Variants in DPYS observed in about 807,000 individuals in gnomAD.
DPYS encodes the protein dihydropyrimidinase, also known as dihydropyrimidine amidohydrolase.
Under a neutral mutation model 50.3 loss-of-function variants are expected in DPYS, and 39 were observed. That is an observed-to-expected ratio of 0.78 (90% CI 0.60 to 1.01). DPYS has a LOEUF of 1.01. Among genes scored for constraint, DPYS ranks in the 50% least tolerant of loss-of-function variants. DPYS has a pLI of 0.00. For synonymous variants in DPYS, 245 were observed against 250.7 expected (o/e 0.98, Z 0.22); for missense variants, 659 against 680.9 (o/e 0.97, Z 0.36).
intron 7 of DPYS, among the ~76,000 whole-genome samples, chr8:104,422,613 T>C (rs1211746654): frequency 6.6e-6 from 1 of 152,228 alleles, no homozygotes; most frequent in Non-Finnish European, 1.5e-5. Flanking sequence ...TACTGATGAT[T>C]AACATTAGTA....
chr8:104,438,870 A>G (rs1271212489), intron 4 of DPYS, among the ~76,000 whole-genome samples: 1 of 152,028 alleles, frequency 6.6e-6, no homozygotes, highest in East Asian at 1.9e-4. Context: ...TTAGCCTGAG[A>G]CCAGCCTGGG....
At chr8:104,411,505 T>C (rs1812174315) in intron 7 of DPYS, among the ~76,000 whole-genome samples, 2 of 152,122 alleles carry the variant, frequency 1.3e-5, no homozygotes, top group South Asian at 2.1e-4. Flanking sequence ...CACAGGATGA[T>C]AGTGGAGGGC....
chr8:104,419,761 G>C (rs901495771), intron 7 of DPYS: 12 of 152,314 alleles, frequency 7.9e-5, no homozygotes, highest in African/African-American at 2.9e-4. Context: ...AACAGAGTCA[G>C]AGAAATTGTC....
intron 5 of DPYS, 58 bp downstream of exon 5, chr8:104,429,487 C>G: frequency 6.2e-7 from 1 of 1,611,090 alleles, no homozygotes; most frequent in Non-Finnish European, 8.5e-7. Flanking sequence ...GGACGAGCTC[C>G]CTTCTACCCA....
intron 3 of DPYS, among the ~76,000 whole-genome samples, chr8:104,446,275 A>T (rs568252752): frequency 1.6e-4 from 24 of 152,316 alleles, no homozygotes; most frequent in Middle Eastern, 3.4e-3. Context: ...TTAAAAAGAA[A>T]AGGTGAAAAA....
At chr8:104,402,329 T>G (rs926799806) in intron 7 of DPYS, among the ~76,000 whole-genome samples, 6 of 152,226 alleles carry the variant, frequency 3.9e-5, no homozygotes, top group African/African-American at 1.4e-4. Flanking sequence ...TTTTAGAAAG[T>G]GGGAAACTAA....
intron 4 of DPYS, among the ~76,000 whole-genome samples, chr8:104,433,457 A>G (rs1043227637): frequency 1.8e-4 from 28 of 152,034 alleles, no homozygotes; most frequent in Non-Finnish European, 3.2e-4. Flanking sequence ...ACATGGTGAA[A>G]CCCCATCTCT....
chr8:104,383,330 C>A lies in DPYS; in HGVS notation c.1444-2016G>T, dbSNP rs183430475. On this transcript the variant is annotated intron_variant, in intron 8 of 9. Transcript: ENST00000351513. Reference sequence around the variant, plus strand: ...GTCTAGGAAGCTTTGGCCCTCTGTCCCCTATCCACTATCTTGCTTACCCCA... The same window carrying A: ...GTCTAGGAAGCTTTGGCCCTCTGTCACCTATCCACTATCTTGCTTACCCCA... Among the ~76,000 whole-genome samples, 11 of 152,238 alleles carry A rather than the reference C, an allele frequency of 7.2e-5. No homozygotes were observed. In the East Asian group the frequency reaches 1.9e-3, roughly 27 times the overall value.
At chr8:104,398,970 G>A (rs1458688400) in intron 7 of DPYS, among the ~76,000 whole-genome samples, 1 of 152,160 alleles carries the variant, frequency 6.6e-6, no homozygotes, top group African/African-American at 2.4e-5. Context: ...GCCATGCTTT[G>A]AAGGCTGGGA....
intron 7 of DPYS, among the ~76,000 whole-genome samples, chr8:104,402,781 G>A (rs1009680877): frequency 2.0e-5 from 3 of 152,188 alleles, no homozygotes. Flanking sequence ...GACAGGACTA[G>A]CTGGATTTCC....
In DPYS at chr8:104,444,259, G is replaced by T; in HGVS notation, c.782C>A (p.Ala261Glu). The change falls in exon 4 of 10, where the codon GCA (alanine) becomes GAA (glutamate). Residue 261 changes from alanine (A) to glutamate (E), a missense_variant. Transcript: ENST00000351513. ...SKSAAKVIAD[A>E]RRDGKVVYGE... The stretch of plus-strand genomic sequence containing the variant: ...CATTCGAGAATTACCATCTCTCCTT[G>T]CATCCGCTATCACCTTAGCTGCAGA... 1 of 1,614,162 alleles carries T rather than the reference G, an allele frequency of 6.2e-7. No individual in the cohort carries two copies. Among genetic ancestry groups the T allele is most frequent in the South Asian group, 1.1e-5 (1 of 91,086 alleles).
At chr8:104,448,801 T>C (rs756410903) in intron 2 of DPYS, among the ~76,000 whole-genome samples, 5 of 152,212 alleles carry the variant, frequency 3.3e-5, no homozygotes, top group African/African-American at 4.8e-5. Flanking sequence ...CAGCAAAGTT[T>C]AAGAATGATA....
intron 8 of DPYS, among the ~76,000 whole-genome samples, chr8:104,388,041 G>C (rs1588396972): frequency 6.6e-6 from 1 of 152,132 alleles, no homozygotes; most frequent in Non-Finnish European, 1.5e-5. Flanking sequence ...GTATTACCTT[G>C]TATTGGTAGT....
chr8:104,463,421 G>A (rs575198402), intron 1 of DPYS, among the ~76,000 whole-genome samples: 8 of 152,128 alleles, frequency 5.3e-5, no homozygotes, highest in African/African-American at 1.4e-4. Context: ...CAACTTATAT[G>A]GCTCTGTCAT....
At chr8:104,382,119 C>G (rs1811072526) in intron 8 of DPYS, among the ~76,000 whole-genome samples, 1 of 152,146 alleles carries the variant, frequency 6.6e-6, no homozygotes, top group Non-Finnish European at 1.5e-5. Flanking sequence ...ATTTCCAGAG[C>G]CAAAGCATTT....
chr8:104,435,987 A>T (rs1813128658), intron 4 of DPYS, among the ~76,000 whole-genome samples: 1 of 152,114 alleles, frequency 6.6e-6, no homozygotes, highest in South Asian at 2.1e-4. Flanking sequence ...TGGGGCAGAA[A>T]GGGCAGTGAA....
At chr8:104,433,049 G>C (rs997705211) in intron 4 of DPYS, among the ~76,000 whole-genome samples, 6 of 152,178 alleles carry the variant, frequency 3.9e-5, no homozygotes, top group Non-Finnish European at 7.3e-5. Context: ...TGGACACATA[G>C]AGGGGAAGAT....
chr8:104,464,129 T>A (rs897783141), intron 1 of DPYS, among the ~76,000 whole-genome samples: 8 of 152,246 alleles, frequency 5.3e-5, no homozygotes, highest in Non-Finnish European at 1.0e-4. Flanking sequence ...CCTAAGCTCA[T>A]GAAGAACATG....
chr8:104,381,570 C>T (rs1329981363), intron 8 of DPYS, among the ~76,000 whole-genome samples: 1 of 152,158 alleles, frequency 6.6e-6, no homozygotes, highest in East Asian at 1.9e-4. Flanking sequence ...TATCCTCACG[C>T]CCTTCTGAGT....
Sources: allele counts gnomAD v4.1 joint callset (sites outside exome capture counted in the v4.1 genomes callset), GRCh38; gene constraint gnomAD v4.1.1; transcripts MANE v1.5; gene names NCBI Gene and HGNC (gene_info 2026-07-23, HGNC 2026-07-21).